SLC1A2: variants seen among roughly 807,000 people sequenced by gnomAD.
SLC1A2 encodes the protein solute carrier family 1 member 2.
In SLC1A2, 15 loss-of-function variants were observed where a neutral mutation model predicts 48.8. That is an observed-to-expected ratio of 0.31 (90% confidence interval 0.21 to 0.47). The LOEUF (loss-of-function observed/expected upper bound fraction) is 0.47. Among genes scored for constraint, SLC1A2 ranks in the 20% least tolerant of loss-of-function variants. The pLI is 0.99. For synonymous variants in SLC1A2, 279 were observed against 272.6 expected, an observed-to-expected ratio of 1.02 and a Z score of -0.23; for missense variants, 502 against 730.5, an observed-to-expected ratio of 0.69 and a Z score of 3.61.
intron 6 of SLC1A2, among the ~76,000 whole-genome samples, chr11:35,295,806 A>G (rs3794091): frequency 0.43 from 64,651 of 151,984 alleles, 13,950 homozygotes; most frequent in South Asian, 0.55. Flanking sequence ...GATGCCCCTC[A>G]CAGGGCTCCA....
chr11:35,289,533 G>A (rs1294767082), intron 7 of SLC1A2, among the ~76,000 whole-genome samples: 2 of 151,834 alleles, frequency 1.3e-5, no homozygotes, highest in African/African-American at 4.8e-5. Context: ...ATTTGTCTCT[G>A]ATTTAAATAC....
At chr11:35,417,630 T>C (rs1359920057) in intron 1 of SLC1A2, among the ~76,000 whole-genome samples, 1 of 152,192 alleles carries the variant, frequency 6.6e-6, no homozygotes, top group Non-Finnish European at 1.5e-5. Context: ...TGAAACATCT[T>C]TTTGGAGAAA....
chr11:35,361,352 G>C (rs796445895), intron 1 of SLC1A2, among the ~76,000 whole-genome samples: 8 of 152,218 alleles, frequency 5.3e-5, no homozygotes, highest in African/African-American at 1.9e-4. Flanking sequence ...TTAACTTTTT[G>C]TTTGTTTTAT....
chr11:35,369,813 G>T (rs143272011), intron 1 of SLC1A2, among the ~76,000 whole-genome samples: 2 of 152,188 alleles, frequency 1.3e-5, no homozygotes, highest in African/African-American at 4.8e-5. Flanking sequence ...AGGAGCTGGG[G>T]CAGGATAGCA....
chr11:35,304,646 C>A (rs182510405), intron 5 of SLC1A2, among the ~76,000 whole-genome samples: 14 of 151,960 alleles, frequency 9.2e-5, no homozygotes, highest in Admixed American at 2.6e-4. Flanking sequence ...CCAAGCCAAA[C>A]AAAAAAGATC....
At chr11:35,370,985 C>T (rs1257377391) in intron 1 of SLC1A2, 2 of 985,244 alleles carry the variant, frequency 2.0e-6, no homozygotes, top group Non-Finnish European at 2.4e-6. Flanking sequence ...AGGGTACAGA[C>T]AGTCCCAAAG....
chr11:35,357,163 A>G (rs2135111900), intron 1 of SLC1A2, among the ~76,000 whole-genome samples: 2 of 152,188 alleles, frequency 1.3e-5, no homozygotes, highest in East Asian at 3.9e-4. Flanking sequence ...AGGCTGAGGC[A>G]GGAGAATTGC....
At chr11:35,265,903 T>G in intron 9 of SLC1A2, 145 bp from the exon 10 acceptor site, 1 of 605,628 alleles carries the variant, frequency 1.7e-6, no homozygotes, top group African/African-American at 1.8e-5. Context: ...TTACTTAACT[T>G]TCATGAGCCT....
In SLC1A2 at chr11:35,384,736, C is replaced by T. The variant is rs376970289; in HGVS notation, c.17+34214G>A. On this transcript the variant is annotated intron_variant, in intron 1 of 10. Coordinates refer to ENST00000278379, the MANE Select transcript of SLC1A2 (RefSeq NM_004171.4). ...GAGTATCATCACAGAAGTTTGGCCA[C>T]TTATATGCTTGTTCTATTGGACAGT... Among the ~76,000 whole-genome samples the T allele has an allele frequency of 2.6e-5, 4 of 152,348 alleles. No individual in the cohort carries two copies. In the East Asian group the frequency reaches 5.8e-4, roughly 22 times the overall value.
Position 35,407,378 on chromosome 11 carries a change from G to C in SLC1A2, c.17+11572C>G, listed in dbSNP as rs1327376466. On this transcript the variant is annotated intron_variant, in intron 1 of 10. Coordinates refer to ENST00000278379, the MANE Select transcript of SLC1A2 (RefSeq NM_004171.4). ...CAGGTTCTAACTCTTTCCTTCATCA[G>C]TATCTTCCACGGATAATTCAAGACC... Among the ~76,000 whole-genome samples the C allele has an allele frequency of 2.6e-5, 4 of 152,276 alleles. No homozygotes were observed. In the East Asian group the frequency reaches 7.7e-4, roughly 29 times the overall value.
intron 1 of SLC1A2, among the ~76,000 whole-genome samples, chr11:35,322,028 G>A (rs374924079): frequency 1.3e-5 from 2 of 152,132 alleles, no homozygotes; most frequent in African/African-American, 4.8e-5. Context: ...AACTCAGGCC[G>A]ATCTCTCAAA....
At chr11:35,273,365 G>A (rs531034200) in intron 9 of SLC1A2, among the ~76,000 whole-genome samples, 2 of 152,294 alleles carry the variant, frequency 1.3e-5, no homozygotes, top group East Asian at 3.9e-4. Context: ...ATACCAGCCT[G>A]GATGACACTC....
At chr11:35,415,165 C>T (rs900817253) in intron 1 of SLC1A2, among the ~76,000 whole-genome samples, 1 of 152,172 alleles carries the variant, frequency 6.6e-6, no homozygotes, top group African/African-American at 2.4e-5. Flanking sequence ...AGGACTTTTC[C>T]TTGTCTGACA....
At chr11:35,306,343 T>A in intron 4 of SLC1A2, 101 bp from the exon 5 acceptor site, 1 of 809,066 alleles carries the variant, frequency 1.2e-6, no homozygotes, top group Non-Finnish European at 1.9e-6. Context: ...CCCAACAGGT[T>A]AACAATAATT....
intron 8 of SLC1A2, among the ~76,000 whole-genome samples, chr11:35,284,680 G>C (rs1231470391): frequency 6.6e-6 from 1 of 152,124 alleles, no homozygotes; most frequent in Non-Finnish European, 1.5e-5. Flanking sequence ...GAAGGAGAGA[G>C]GAGAAAGCTG....
At chr11:35,395,044 T>C (rs1252652335) in intron 1 of SLC1A2, among the ~76,000 whole-genome samples, 1 of 152,010 alleles carries the variant, frequency 6.6e-6, no homozygotes, top group African/African-American at 2.4e-5. Context: ...GGCCATGCTA[T>C]CCATAGTGAT....
Position 35,412,042 on chromosome 11 carries a change from C to CAAA in SLC1A2, c.17+6905_17+6907dup, listed in dbSNP as rs5791054. On this transcript the variant is annotated intron_variant, in intron 1 of 10. Coordinates refer to ENST00000278379, the MANE Select transcript of SLC1A2 (RefSeq NM_004171.4). ...AAATTATTGAAGACACTTACTGGAG[C>CAAA]AAAAAAAAAAAACAAAACAAAAATA... 3.8e-4 allele frequency among the ~76,000 whole-genome samples: 51 copies of CAAA among 134,296 alleles called. 1 individual carries two copies. The highest frequency in any genetic ancestry group is 3.8e-3 in the Middle Eastern group (1 of 262). The allele number at this position is 134,296 out of a possible 152,430, so 88.1% of individuals were successfully genotyped here. A position where few individuals can be genotyped will look rare whatever the true frequency, so the allele number is the denominator to read the frequency against.
At chr11:35,284,110 T>A (rs11822434) in intron 8 of SLC1A2, among the ~76,000 whole-genome samples, 3,846 of 141,128 alleles carry the variant, frequency 0.027, 235 homozygotes, top group African/African-American at 0.097. Flanking sequence ...TATATATATA[T>A]AAATTATTAT....
intron 6 of SLC1A2, among the ~76,000 whole-genome samples, chr11:35,294,365 C>G (rs1233874720): frequency 6.6e-6 from 1 of 152,100 alleles, no homozygotes. Flanking sequence ...GACTGCTTCC[C>G]TAGACATTAG....
Sources: gnomAD v4.1 joint callset for allele counts (sites outside exome capture counted in the v4.1 genomes callset) on GRCh38, gnomAD v4.1.1 for gene constraint, MANE v1.5 for transcripts, NCBI Gene and HGNC (gene_info 2026-07-23, HGNC 2026-07-21) for gene names.